KHDRBS2: variants seen among roughly 807,000 people sequenced by gnomAD.
KHDRBS2 encodes KH domain-containing, RNA-binding, signal transduction-associated protein 2.
Under a neutral mutation model 44.3 loss-of-function variants are expected in KHDRBS2, and 26 were observed. The ratio of observed to expected loss-of-function variants is 0.59; its 90% CI spans 0.43 to 0.81. The LOEUF is 0.81. KHDRBS2 is among the 40% of genes least tolerant of loss of function. The pLI, the probability that KHDRBS2 is intolerant of heterozygous loss-of-function variation, is 0.00. For missense variants in KHDRBS2, 476 were observed against 433.1 expected, an observed-to-expected ratio of 1.10 and a Z score of -0.88; for synonymous variants, 194 against 151.1, an observed-to-expected ratio of 1.28 and a Z score of -2.08.
chr6:61,763,428 G>A (rs1300564676), intron 6 of KHDRBS2, among the ~76,000 whole-genome samples: 1 of 152,166 alleles, frequency 6.6e-6, no homozygotes, highest in Non-Finnish European at 1.5e-5. Context: ...AACATCATCT[G>A]AACATAGATG....
intron 4 of KHDRBS2, among the ~76,000 whole-genome samples, chr6:61,941,838 C>T (rs1314274325): frequency 2.6e-5 from 4 of 152,026 alleles, no homozygotes; most frequent in Non-Finnish European, 5.9e-5. Flanking sequence ...TCAACATAAG[C>T]ATAAAGAAAA....
the KHDRBS2 span, among the ~76,000 whole-genome samples, chr6:61,559,309 T>A: frequency 4.2e-3 from 645 of 152,036 alleles, 5 homozygotes; most frequent in African/African-American, 0.015. Context: ...CATATTTTTA[T>A]ATGTGAATTG....
chr6:61,840,450 T>G (rs1793422862), intron 6 of KHDRBS2, among the ~76,000 whole-genome samples: 1 of 152,134 alleles, frequency 6.6e-6, no homozygotes, highest in African/African-American at 2.4e-5. Flanking sequence ...TCTGGACAAG[T>G]GCTTCCTAAA....
At chr6:61,625,698 C>T in the KHDRBS2 span, among the ~76,000 whole-genome samples, 3 of 152,124 alleles carry the variant, frequency 2.0e-5, no homozygotes, top group African/African-American at 7.2e-5. Context: ...GCATCAGAAA[C>T]TGGAGGCTTT....
At position 62,082,108 on chromosome 6, in the gene KHDRBS2, C is replaced by T. The variant is rs1000428499; in HGVS notation, c.220-34114G>A. 5.9e-5 allele frequency among the ~76,000 whole-genome samples: 9 copies of T among 152,054 alleles called. No individual in the cohort carries two copies. In the Middle Eastern group the frequency reaches 0.01, roughly 172 times the overall value. ...TTAAAACAGCTACTTTAGGAGGTGA[C>T]GAATCCAAAATTTAAGACTCATCTC... On this transcript the variant is annotated intron_variant, in intron 2 of 8. Coordinates refer to ENST00000281156, the MANE Select transcript of KHDRBS2 (RefSeq NM_152688.4).
At chr6:62,077,046 T>TA (rs1049372806) in intron 2 of KHDRBS2, among the ~76,000 whole-genome samples, 4 of 151,792 alleles carry the variant, frequency 2.6e-5, no homozygotes, top group Non-Finnish European at 4.4e-5. Flanking sequence ...ATCCTACATC[T>TA]AAAAAAATAT....
chr6:61,982,670 C>CAA (rs1264177227), intron 3 of KHDRBS2, among the ~76,000 whole-genome samples: 1,113 of 65,968 alleles, frequency 0.017, 24 homozygotes, highest in African/African-American at 0.047. Flanking sequence ...AACTCTGTCT[C>CAA]AAAAAAAAAA....
intron 6 of KHDRBS2, among the ~76,000 whole-genome samples, chr6:61,885,319 G>A (rs1800791256): frequency 6.6e-6 from 1 of 152,118 alleles, no homozygotes; most frequent in Admixed American, 6.6e-5. Context: ...TTATGTTATA[G>A]CCATTGGCAT....
chr6:62,061,463 G>T (rs1393626382), intron 2 of KHDRBS2, among the ~76,000 whole-genome samples: 1 of 150,826 alleles, frequency 6.6e-6, no homozygotes, highest in African/African-American at 2.4e-5. Context: ...GAAATTCTGG[G>T]TTCAAAATTC....
At chr6:62,256,469 G>C (rs1278147927) in intron 1 of KHDRBS2, among the ~76,000 whole-genome samples, 1 of 152,018 alleles carries the variant, frequency 6.6e-6, no homozygotes, top group Non-Finnish European at 1.5e-5. Flanking sequence ...CTATCTGATG[G>C]TTTTATAAGG....
At chr6:61,918,197 C>A (rs1447205290) in intron 4 of KHDRBS2, among the ~76,000 whole-genome samples, 4 of 152,008 alleles carry the variant, frequency 2.6e-5, no homozygotes, top group South Asian at 2.1e-4. Flanking sequence ...TTAAGTTATT[C>A]CTTTTTTAAT....
the KHDRBS2 span, among the ~76,000 whole-genome samples, chr6:61,579,931 C>T: frequency 6.6e-6 from 1 of 150,880 alleles, no homozygotes; most frequent in African/African-American, 2.4e-5. Context: ...GTGGCACATG[C>T]CTGTAATCCC....
intron 6 of KHDRBS2, among the ~76,000 whole-genome samples, chr6:61,763,854 T>C (rs1257399821): frequency 6.6e-6 from 1 of 152,214 alleles, no homozygotes; most frequent in Non-Finnish European, 1.5e-5. Context: ...AGGATCCATG[T>C]GCAGGACGTG....
chr6:61,789,144 A>G (rs1784254927), intron 6 of KHDRBS2, among the ~76,000 whole-genome samples: 1 of 151,464 alleles, frequency 6.6e-6, no homozygotes, highest in South Asian at 2.1e-4. Flanking sequence ...CAAAATATTA[A>G]TATGACATTA....
chr6:62,242,157 G>A (rs1433806243), intron 1 of KHDRBS2, among the ~76,000 whole-genome samples: 2 of 152,032 alleles, frequency 1.3e-5, no homozygotes, highest in Admixed American at 1.3e-4. Context: ...ATCACTAAGG[G>A]TACAGAGGAT....
chr6:61,605,778 A>G, the KHDRBS2 span, among the ~76,000 whole-genome samples: 3 of 152,254 alleles, frequency 2.0e-5, no homozygotes, highest in East Asian at 1.9e-4. Flanking sequence ...CCAACACTTT[A>G]CCACTATTTC....
intron 7 of KHDRBS2, among the ~76,000 whole-genome samples, chr6:61,717,282 C>A (rs1054690273): frequency 1.3e-5 from 2 of 151,872 alleles, no homozygotes; most frequent in African/African-American, 2.4e-5. Flanking sequence ...CACATTGTTT[C>A]TTTCCTAAAA....
chr6:61,848,487 ATATGTATATATATATATATATATG>A (rs1562293402), intron 6 of KHDRBS2, among the ~76,000 whole-genome samples: 6 of 42,970 alleles, frequency 1.4e-4, no homozygotes, highest in Non-Finnish European at 2.1e-4. Flanking sequence ...ATATATATAT[ATATGTATATATATATATATATATG>A]TATATATGTA....
At chr6:61,544,438 T>C in the KHDRBS2 span, among the ~76,000 whole-genome samples, 1 of 152,042 alleles carries the variant, frequency 6.6e-6, no homozygotes, top group African/African-American at 2.4e-5. Flanking sequence ...TTCAAGAGTT[T>C]AAAAATAAAA....
Sources: allele counts gnomAD v4.1 joint callset (sites outside exome capture counted in the v4.1 genomes callset), GRCh38; gene constraint gnomAD v4.1.1; transcripts MANE v1.5; gene names NCBI Gene and HGNC (gene_info 2026-07-23, HGNC 2026-07-21).